The following CACNA1C variants were observed in gnomAD, a reference collection of about 807,000 sequenced individuals.
The protein encoded by CACNA1C is calcium voltage-gated channel subunit alpha1 C, also known as voltage-dependent L-type calcium channel subunit alpha-1C.
Under a neutral mutation model 229.0 loss-of-function variants are expected in CACNA1C, and 30 were observed. That is an observed-to-expected ratio of 0.13 (90% confidence interval 0.10 to 0.18). CACNA1C has a LOEUF of 0.18. Ranked by LOEUF, CACNA1C falls within the 10% of genes least tolerant of loss-of-function variation. The pLI is 1.00. For synonymous variants in CACNA1C, 1,114 were observed against 1,132.5 expected (o/e 0.98, Z 0.33); for missense variants, 1,658 against 2,845.0 (o/e 0.58, Z 9.49).
intron 34 of CACNA1C, among the ~76,000 whole-genome samples, chr12:2,661,319 TTTTTC>T (rs2153693860): frequency 7.3e-6 from 1 of 136,632 alleles, no homozygotes; most frequent in South Asian, 2.7e-4. Flanking sequence ...ACACACAAGA[TTTTTC>T]TAAGAGTAGC....
rs541704260 is a variant in CACNA1C at position 2,217,050 on chromosome 12, C to T, written c.477+96620C>T. On this transcript the variant is annotated intron_variant, in intron 3 of 46. Transcript: ENST00000399655. The stretch of plus-strand genomic sequence containing the variant: ...ATGGATAAACAGGATGTGGTATATA[C>T]ATACAGTGGAATATCATTCGGCCTT... Among the ~76,000 whole-genome samples the T allele has an allele frequency of 2.2e-3, 329 of 152,344 alleles. 2 individuals are homozygous for T. The highest frequency in any genetic ancestry group is 3.5e-3 in the Non-Finnish European group (238 of 68,036).
intron 3 of CACNA1C, among the ~76,000 whole-genome samples, chr12:2,433,958 T>TA (rs931905282): frequency 1.1e-4 from 17 of 152,268 alleles, no homozygotes; most frequent in Non-Finnish European, 2.2e-4. Flanking sequence ...TGGTGATTTT[T>TA]AAAAAAAGTT....
At chr12:2,075,433 A>G (rs2062844223) in intron 1 of CACNA1C, among the ~76,000 whole-genome samples, 1 of 152,228 alleles carries the variant, frequency 6.6e-6, no homozygotes, top group Non-Finnish European at 1.5e-5. Flanking sequence ...CCCATTTTAC[A>G]GAGAAGAAAC....
intron 5 of CACNA1C, among the ~76,000 whole-genome samples, chr12:2,482,501 G>A (rs549822415): frequency 6.6e-6 from 1 of 152,314 alleles, no homozygotes; most frequent in East Asian, 1.9e-4. Flanking sequence ...GTTACAAATA[G>A]TGCCTACTTC....
At chr12:2,136,210 A>G (rs2093464359) in intron 3 of CACNA1C, among the ~76,000 whole-genome samples, 1 of 151,270 alleles carries the variant, frequency 6.6e-6, no homozygotes, top group African/African-American at 2.4e-5. Context: ...CTCCCTAGTG[A>G]GATGAACCCG....
intron 3 of CACNA1C, chr12:2,222,351 A>C (rs1481853059): frequency 6.6e-6 from 1 of 152,078 alleles, no homozygotes; most frequent in Non-Finnish European, 1.5e-5. Flanking sequence ...TTGGAGTCCC[A>C]GCTCAGCCAT....
intron 3 of CACNA1C, among the ~76,000 whole-genome samples, chr12:2,214,663 C>A (rs2059500116): frequency 1.5e-5 from 1 of 67,180 alleles, no homozygotes; most frequent in Admixed American, 1.3e-4. Context: ...AGTGACTTCT[C>A]CCTGCTCCGG....
chr12:2,602,043 G>GCAGGCAGGC lies in CACNA1C; in HGVS notation c.2960+84_2960+85insAGGCAGGCC. On this transcript the variant is annotated intron_variant, in intron 22 of 46. Coordinates refer to ENST00000399655, the MANE Select transcript of CACNA1C (RefSeq NM_000719.7). This position sits in a 1 kb window ranked among gnomAD's most constrained non-coding sequence, Gnocchi z 4.4. ...AGGACAACCAGACCCTGGAGGGCCTGCCTGCAGGGCCACCGCAGTGTGATG... is the reference window on the plus strand; with the variant it reads ...AGGACAACCAGACCCTGGAGGGCCTGCAGGCAGGCCCTGCAGGGCCACCGCAGTGTGATG... The GCAGGCAGGC allele has an allele frequency of 1.2e-6, 1 of 862,432 alleles. No individual in the cohort carries two copies. The highest frequency in any genetic ancestry group is 2.0e-6 in the Non-Finnish European group (1 of 505,966). The allele number at this position is 862,432 out of a possible 1,614,324, so 53.4% of individuals were successfully genotyped here.
intron 3 of CACNA1C, among the ~76,000 whole-genome samples, chr12:2,203,470 C>A (rs1174825520): frequency 6.6e-6 from 1 of 152,190 alleles, no homozygotes; most frequent in East Asian, 1.9e-4. Flanking sequence ...CCAGGTATTG[C>A]AGCAACCAGA....
intron 3 of CACNA1C, among the ~76,000 whole-genome samples, chr12:2,211,381 G>A (rs552882839): frequency 6.6e-6 from 1 of 152,320 alleles, no homozygotes; most frequent in East Asian, 1.9e-4. Context: ...GAGAGGTCTG[G>A]GGTGTCTCAT....
intron 3 of CACNA1C, among the ~76,000 whole-genome samples, chr12:2,416,211 G>A (rs542446434): frequency 6.6e-6 from 1 of 151,302 alleles, no homozygotes; most frequent in East Asian, 1.9e-4. Context: ...TCCCACCTGC[G>A]TGCACCTCCG....
chr12:2,505,859 G>A (rs944581574), intron 8 of CACNA1C, among the ~76,000 whole-genome samples: 1 of 152,110 alleles, frequency 6.6e-6, no homozygotes, highest in Non-Finnish European at 1.5e-5. Context: ...GGGGGAGGGG[G>A]GTAATCTACT....
At chr12:2,063,949 C>G (rs1470305180) in intron 1 of CACNA1C, among the ~76,000 whole-genome samples, 1 of 152,120 alleles carries the variant, frequency 6.6e-6, no homozygotes, top group African/African-American at 2.4e-5. Flanking sequence ...CTTTAAGAGC[C>G]CACTTCCTTG....
chr12:2,274,400 T>C (rs534848502), intron 3 of CACNA1C, among the ~76,000 whole-genome samples: 12 of 152,310 alleles, frequency 7.9e-5, no homozygotes, highest in South Asian at 4.1e-4. Flanking sequence ...AGGTTTCCTT[T>C]TGCCCCATGG....
chr12:2,317,995 C>T (rs1252813860), intron 3 of CACNA1C, among the ~76,000 whole-genome samples: 1 of 152,192 alleles, frequency 6.6e-6, no homozygotes, highest in Non-Finnish European at 1.5e-5. Flanking sequence ...AGGAAGTGCG[C>T]CTTCTGCCGG....
At chr12:2,472,798 G>A (rs568072522) in intron 5 of CACNA1C, among the ~76,000 whole-genome samples, 1 of 152,112 alleles carries the variant, frequency 6.6e-6, no homozygotes, top group East Asian at 1.9e-4. Context: ...ATATGTTGTT[G>A]TGACTCTGGA....
intron 3 of CACNA1C, chr12:2,222,083 T>C: frequency 6.6e-6 from 1 of 152,196 alleles, no homozygotes; most frequent in East Asian, 1.9e-4. Flanking sequence ...GGGAACAAAA[T>C]TACAAATTAT....
intron 11 of CACNA1C, among the ~76,000 whole-genome samples, chr12:2,564,700 A>T (rs1490299994): frequency 6.6e-6 from 1 of 152,116 alleles, no homozygotes; most frequent in Non-Finnish European, 1.5e-5. Flanking sequence ...TGTCTTTCTT[A>T]TTCTGCACAT....
chr12:2,300,217 T>C (rs750624406), intron 3 of CACNA1C, among the ~76,000 whole-genome samples: 3 of 152,254 alleles, frequency 2.0e-5, no homozygotes, highest in Non-Finnish European at 4.4e-5. Flanking sequence ...AAAGCCATAA[T>C]TGGGAAAACA....
Sources: allele counts gnomAD v4.1 joint callset (sites outside exome capture counted in the v4.1 genomes callset), GRCh38; gene constraint gnomAD v4.1.1; non-coding constraint Gnocchi (gnomAD v3.1); transcripts MANE v1.5; gene names NCBI Gene and HGNC (gene_info 2026-07-23, HGNC 2026-07-21).